The following GAP43 variants were observed in gnomAD, a reference collection of about 807,000 sequenced individuals.
GAP43 encodes neuromodulin.
GAP43 carries 6 observed loss-of-function variants against 18.6 expected under a neutral mutation model. The ratio of observed to expected loss-of-function variants is 0.32; its 90% CI spans 0.18 to 0.64. GAP43 has a LOEUF of 0.64. Ranked by LOEUF, GAP43 falls within the 30% of genes least tolerant of loss-of-function variation. The pLI is 0.78. For missense variants in GAP43, 292 were observed against 295.5 expected (o/e 0.99, Z 0.09); for synonymous variants, 115 against 111.4 (o/e 1.03, Z -0.20).
chr3:115,678,659 CA>C (rs1708922764), intron 2 of GAP43, among the ~76,000 whole-genome samples: 1 of 151,992 alleles, frequency 6.6e-6, no homozygotes, highest in African/African-American at 2.4e-5. Flanking sequence ...TGTGTCTGGT[CA>C]GTGAAAGCAA....
chr3:115,680,946 C>T (rs975478111), intron 2 of GAP43, among the ~76,000 whole-genome samples: 11 of 152,120 alleles, frequency 7.2e-5, no homozygotes, highest in African/African-American at 2.7e-4. Context: ...TGAGATTTTC[C>T]AAGGATATTT....
intron 2 of GAP43, among the ~76,000 whole-genome samples, chr3:115,686,993 G>T (rs1709043369): frequency 6.6e-6 from 1 of 152,218 alleles, no homozygotes; most frequent in East Asian, 1.9e-4. Flanking sequence ...AAAATTGTTA[G>T]CCTAGGCACT....
At chr3:115,696,449 G>A (rs1215301963) in intron 2 of GAP43, among the ~76,000 whole-genome samples, 1 of 151,766 alleles carries the variant, frequency 6.6e-6, no homozygotes, top group Non-Finnish European at 1.5e-5. Context: ...CAAAAGTCAA[G>A]TCCTTAAAGT....
chr3:115,684,562 C>T (rs1030443829), intron 2 of GAP43, among the ~76,000 whole-genome samples: 23 of 151,676 alleles, frequency 1.5e-4, no homozygotes, highest in African/African-American at 3.9e-4. Context: ...TCTGGAAGAA[C>T]GGTAAGTTCC....
intron 1 of GAP43, among the ~76,000 whole-genome samples, chr3:115,649,723 C>T (rs1367173899): frequency 6.6e-6 from 1 of 151,254 alleles, no homozygotes; most frequent in African/African-American, 2.4e-5. Context: ...CACCTTTAAT[C>T]CCAGCTACTC....
At chr3:115,675,012 C>A (rs1708862527) in intron 1 of GAP43, among the ~76,000 whole-genome samples, 1 of 152,164 alleles carries the variant, frequency 6.6e-6, no homozygotes, top group East Asian at 1.9e-4. Flanking sequence ...AACCCTCTAT[C>A]TTTCAGAGCT....
chr3:115,683,155 A>G (rs879479728), intron 2 of GAP43, among the ~76,000 whole-genome samples: 1,944 of 135,540 alleles, frequency 0.014, 18 homozygotes, highest in Non-Finnish European at 0.019. Context: ...GCGCACACAC[A>G]CACACACACA....
At chr3:115,646,584 A>G (rs1021215378) in intron 1 of GAP43, among the ~76,000 whole-genome samples, 1 of 152,114 alleles carries the variant, frequency 6.6e-6, no homozygotes, top group Non-Finnish European at 1.5e-5. Flanking sequence ...AGAGAACTTC[A>G]AATCATACTG....
At chr3:115,683,151 A>ACACACG (rs1708984466) in intron 2 of GAP43, among the ~76,000 whole-genome samples, 1 of 93,036 alleles carries the variant, frequency 1.1e-5, no homozygotes, top group Non-Finnish European at 2.8e-5. Context: ...GCGCGCGCAC[A>ACACACG]CACACACACA....
intron 2 of GAP43, among the ~76,000 whole-genome samples, chr3:115,708,685 A>C (rs958666328): frequency 2.0e-5 from 3 of 152,300 alleles, no homozygotes; most frequent in Non-Finnish European, 2.9e-5. Context: ...GCAGAGGGGC[A>C]TGACCCCTCA....
At chr3:115,713,542 C>G (rs1041003605) in intron 2 of GAP43, among the ~76,000 whole-genome samples, 19 of 152,238 alleles carry the variant, frequency 1.2e-4, no homozygotes, top group African/African-American at 4.6e-4. Context: ...CCTGGCTGAG[C>G]GCACAAGCAG....
At chr3:115,708,091 T>C (rs2107373233) in intron 2 of GAP43, among the ~76,000 whole-genome samples, 1 of 152,314 alleles carries the variant, frequency 6.6e-6, no homozygotes, top group South Asian at 2.1e-4. Context: ...AGGTACTTGG[T>C]ATTCACTGGT....
intron 2 of GAP43, among the ~76,000 whole-genome samples, chr3:115,697,125 C>T (rs1709203032): frequency 6.6e-6 from 1 of 152,130 alleles, no homozygotes; most frequent in African/African-American, 2.4e-5. Context: ...AGGCATGAGC[C>T]ACCACACCCA....
chr3:115,653,809 T>TA (rs1433198327), intron 1 of GAP43, among the ~76,000 whole-genome samples: 1 of 152,236 alleles, frequency 6.6e-6, no homozygotes. Flanking sequence ...TAGGTATTGC[T>TA]ATTATATTAA....
intron 2 of GAP43, among the ~76,000 whole-genome samples, chr3:115,696,879 C>A (rs917049113): frequency 2.6e-5 from 4 of 151,516 alleles, no homozygotes; most frequent in Non-Finnish European, 5.9e-5. Flanking sequence ...GTTGCCCAGG[C>A]TAGAGTGTAG....
At chr3:115,686,301 A>G (rs571982985) in intron 2 of GAP43, among the ~76,000 whole-genome samples, 1 of 152,384 alleles carries the variant, frequency 6.6e-6, no homozygotes, top group South Asian at 2.1e-4. Flanking sequence ...CCACATAGTT[A>G]TGTACATATA....
chr3:115,673,419 A>G (rs1260184008), intron 1 of GAP43, among the ~76,000 whole-genome samples: 1 of 152,046 alleles, frequency 6.6e-6, no homozygotes, highest in Non-Finnish European at 1.5e-5. Flanking sequence ...AGCTTTCTTG[A>G]GTCACTAGAG....
At chr3:115,637,059 C>T (rs1708337795) in intron 1 of GAP43, among the ~76,000 whole-genome samples, 1 of 152,038 alleles carries the variant, frequency 6.6e-6, no homozygotes. Flanking sequence ...TCAATCTTGC[C>T]TAAACTCCGG....
intron 2 of GAP43, among the ~76,000 whole-genome samples, chr3:115,677,408 G>A (rs892702739): frequency 2.6e-5 from 4 of 152,096 alleles, no homozygotes; most frequent in African/African-American, 4.8e-5. Context: ...TCTTCATTTT[G>A]GAGCTGTAAC....
Sources: gnomAD v4.1 joint callset for allele counts (sites outside exome capture counted in the v4.1 genomes callset) on GRCh38, gnomAD v4.1.1 for gene constraint, MANE v1.5 for transcripts, NCBI Gene and HGNC (gene_info 2026-07-23, HGNC 2026-07-21) for gene names.